WDR49: variants seen among roughly 807,000 people sequenced by gnomAD.
The protein encoded by WDR49 is cilia- and flagella-associated protein 337.
WDR49 carries 107 observed loss-of-function variants against 119.5 expected under a neutral mutation model. The observed-to-expected ratio is 0.90, with a 90% CI of 0.77 to 1.05. The LOEUF is 1.05. Among genes scored for constraint, WDR49 ranks in the 50% least tolerant of loss-of-function variants. The probability of loss-of-function intolerance (pLI) is 0.00; values close to 1 mark genes in which losing one functional copy is unlikely to be tolerated. For missense variants in WDR49, 1,240 were observed against 1,220.5 expected, an observed-to-expected ratio of 1.02 and a Z score of -0.24; for synonymous variants, 425 against 418.8, an observed-to-expected ratio of 1.01 and a Z score of -0.18.
At chr3:167,523,881 G>T (rs1358521168) in intron 15 of WDR49, among the ~76,000 whole-genome samples, 1 of 152,098 alleles carries the variant, frequency 6.6e-6, no homozygotes, top group Non-Finnish European at 1.5e-5. Flanking sequence ...TTTAATAGTA[G>T]AATGATTTAT....
chr3:167,549,634 T>G (rs1413546783), intron 10 of WDR49, among the ~76,000 whole-genome samples: 1 of 152,182 alleles, frequency 6.6e-6, no homozygotes, highest in Non-Finnish European at 1.5e-5. Flanking sequence ...TTTCTCCCAT[T>G]CTGTAGGTTG....
chr3:167,642,409 T>G (rs1717923173), intron 2 of WDR49, among the ~76,000 whole-genome samples: 1 of 151,912 alleles, frequency 6.6e-6, no homozygotes, highest in Non-Finnish European at 1.5e-5. Context: ...CAAATAAATA[T>G]ATTAGTGCTG....
chr3:167,512,524 T>C (rs1026721860), intron 16 of WDR49, among the ~76,000 whole-genome samples: 2 of 152,070 alleles, frequency 1.3e-5, no homozygotes, highest in Non-Finnish European at 2.9e-5. Context: ...ACAAAAACAC[T>C]GAAAATTCAA....
intron 7 of WDR49, among the ~76,000 whole-genome samples, chr3:167,589,558 C>A (rs1714999445): frequency 6.6e-6 from 1 of 152,064 alleles, no homozygotes; most frequent in South Asian, 2.1e-4. Context: ...ATTTATTCTT[C>A]CAGACCATGA....
chr3:167,617,926 C>T (rs1716679532), intron 5 of WDR49, among the ~76,000 whole-genome samples: 1 of 152,202 alleles, frequency 6.6e-6, no homozygotes, highest in African/African-American at 2.4e-5. Flanking sequence ...GTAAACTTTT[C>T]CTAAATACTG....
chr3:167,547,821 A>G (rs547505488), intron 10 of WDR49, among the ~76,000 whole-genome samples: 39 of 152,132 alleles, frequency 2.6e-4, no homozygotes, highest in Non-Finnish European at 4.6e-4. Flanking sequence ...TTCAGTTTAC[A>G]TTTTGAATTA....
intron 16 of WDR49, among the ~76,000 whole-genome samples, chr3:167,519,736 C>T (rs1350853055): frequency 6.6e-6 from 1 of 152,098 alleles, no homozygotes; most frequent in Non-Finnish European, 1.5e-5. Context: ...ACCTCCATGG[C>T]ATACATTTAC....
chr3:167,524,145 C>T (rs190606912), intron 15 of WDR49, among the ~76,000 whole-genome samples: 6 of 152,188 alleles, frequency 3.9e-5, no homozygotes, highest in Admixed American at 2.6e-4. Context: ...CTCTAATGAC[C>T]AGTGATAATG....
At chr3:167,560,653 AG>A (rs2108270519) in intron 8 of WDR49, among the ~76,000 whole-genome samples, 1 of 152,322 alleles carries the variant, frequency 6.6e-6, no homozygotes, top group African/African-American at 2.4e-5. Context: ...AAGCTCTACC[AG>A]CCATTATGGA....
chr3:167,627,402 GA>G, intron 2 of WDR49, 110 bp from the exon 3 acceptor site: 1 of 1,038,150 alleles, frequency 9.6e-7, no homozygotes, highest in Non-Finnish European at 1.2e-6. Flanking sequence ...CTGCCAACAT[GA>G]AAAGAAAAAT....
In WDR49 at chr3:167,626,338, C is replaced by A. The variant is rs117221097; in HGVS notation, c.606+514G>T. The stretch of plus-strand genomic sequence containing the variant: ...TCATAGTAAAATCTACCATCTGCTT[C>A]ATATAAATTATTACCAATATGGATA... On this transcript the variant is annotated intron_variant, in intron 3 of 18. Coordinates refer to ENST00000682715, the MANE Select transcript of WDR49 (RefSeq NM_001366157.1). Among the ~76,000 whole-genome samples, 137 of 152,080 alleles carry A rather than the reference C, an allele frequency of 9.0e-4. 1 individual carries two copies. The East Asian group carries it at 0.026, about 29-fold the overall frequency.
At chr3:167,540,487 G>T (rs60753685) in intron 10 of WDR49, among the ~76,000 whole-genome samples, 1,997 of 152,206 alleles carry the variant, frequency 0.013, 52 homozygotes, top group African/African-American at 0.046. Flanking sequence ...CTAGGGGAAG[G>T]GGAAGGGACA....
chr3:167,519,718 T>C (rs1258154562), intron 16 of WDR49, among the ~76,000 whole-genome samples: 1 of 152,006 alleles, frequency 6.6e-6, no homozygotes, highest in Non-Finnish European at 1.5e-5. Flanking sequence ...GGTCAATAGG[T>C]GCAGCAAACC....
At chr3:167,522,016 A>G (rs1415674250) in intron 16 of WDR49, among the ~76,000 whole-genome samples, 1 of 100,870 alleles carries the variant, frequency 9.9e-6, no homozygotes, top group Non-Finnish European at 2.5e-5. Context: ...ATAGATAGAT[A>G]GATTGTTTTT....
chr3:167,611,604 C>T (rs1214649287), intron 5 of WDR49, among the ~76,000 whole-genome samples: 2 of 151,950 alleles, frequency 1.3e-5, no homozygotes, highest in Non-Finnish European at 2.9e-5. Context: ...TATAAAGGCA[C>T]ATATAGACTG....
rs182797539 is a variant in WDR49 at position 167,567,026 on chromosome 3, A to T, written c.1510-6798T>A. ...ACTTGGTGTAACTTCACAGAAATAT[A>T]TTGTAATTTCTGTCGGACTTTTTGC... On this transcript the variant is annotated intron_variant, in intron 8 of 18. Coordinates refer to ENST00000682715, the MANE Select transcript of WDR49 (RefSeq NM_001366157.1). 3 of 455,924 alleles carry T rather than the reference A, an allele frequency of 6.6e-6. No individual in the cohort carries two copies. The Admixed American group carries it at 1.2e-4, about 17-fold the overall frequency. 28.2% of individuals were successfully genotyped at this position (455,924 alleles called of 1,614,324 possible).
intron 18 of WDR49, among the ~76,000 whole-genome samples, chr3:167,486,573 A>G (rs577957146): frequency 6.6e-6 from 1 of 152,308 alleles, no homozygotes; most frequent in Admixed American, 6.5e-5. Flanking sequence ...TCCCATTGAA[A>G]CAGAAAACAA....
At chr3:167,575,312 C>T in intron 8 of WDR49, 1 of 986,390 alleles carries the variant, frequency 1.0e-6, no homozygotes, top group Non-Finnish European at 1.2e-6. Context: ...AGTAACTCTG[C>T]TCCAGGGGAG....
intron 17 of WDR49, among the ~76,000 whole-genome samples, chr3:167,502,317 A>G (rs6444369): frequency 0.58 from 88,887 of 152,070 alleles, 27,864 homozygotes; most frequent in African/African-American, 0.83. Context: ...AAATTACCCA[A>G]TATCAGACAT....
Sources: allele counts gnomAD v4.1 joint callset (sites outside exome capture counted in the v4.1 genomes callset), GRCh38; gene constraint gnomAD v4.1.1; transcripts MANE v1.5; gene names NCBI Gene and HGNC (gene_info 2026-07-23, HGNC 2026-07-21).